GREB1L: variants seen among roughly 807,000 people sequenced by gnomAD.
GREB1L encodes GREB1 like retinoic acid receptor coactivator, also known as GREB1-like protein.
GREB1L carries 17 observed loss-of-function variants against 200.8 expected under a neutral mutation model. That is an observed-to-expected ratio of 0.08 (90% confidence interval 0.06 to 0.13). The LOEUF is 0.13. Among genes scored for constraint, GREB1L ranks in the 10% least tolerant of loss-of-function variants. GREB1L has a pLI of 1.00. For missense variants in GREB1L, 1,657 were observed against 2,367.7 expected, an observed-to-expected ratio of 0.70 and a Z score of 6.23; for synonymous variants, 789 against 893.0, an observed-to-expected ratio of 0.88 and a Z score of 2.08.
Position 21,477,942 on chromosome 18 carries a change from G to A in GREB1L, c.2556+586G>A, listed in dbSNP as rs540516490. ...TCATGCAGATACAAAATTATCTGTC[G>A]TATATAATTTTTCAAAAAGAAAATG... On this transcript the variant is annotated intron_variant, in intron 17 of 32. Transcript: ENST00000424526. Among the ~76,000 whole-genome samples the A allele has an allele frequency of 1.6e-4, 25 of 152,172 alleles. No individual in the cohort carries two copies. In the East Asian group the frequency reaches 2.9e-3, roughly 18 times the overall value.
chr18:21,483,259 A>G (rs1247056979), intron 17 of GREB1L, among the ~76,000 whole-genome samples: 1 of 152,212 alleles, frequency 6.6e-6, no homozygotes, highest in Non-Finnish European at 1.5e-5. Flanking sequence ...ACATTTTCCC[A>G]AAGAAACAGG....
At chr18:21,449,021 A>G (rs2034386786) in intron 11 of GREB1L, among the ~76,000 whole-genome samples, 2 of 152,234 alleles carry the variant, frequency 1.3e-5, no homozygotes, top group African/African-American at 4.8e-5. Flanking sequence ...TTTCCTGCAC[A>G]GTATTCTCAA....
chr18:21,455,501 G>A (rs1415965256), intron 15 of GREB1L, among the ~76,000 whole-genome samples: 4 of 152,042 alleles, frequency 2.6e-5, no homozygotes, highest in African/African-American at 4.8e-5. Flanking sequence ...GGCCAACATG[G>A]TGAAACCCCG....
intron 1 of GREB1L, among the ~76,000 whole-genome samples, chr18:21,314,341 T>C (rs2038835874): frequency 1.3e-5 from 2 of 152,174 alleles, no homozygotes; most frequent in African/African-American, 4.8e-5. Context: ...CCATTGGTTT[T>C]GTGTGAAAGC....
intron 1 of GREB1L, among the ~76,000 whole-genome samples, chr18:21,334,805 T>G (rs2039160787): frequency 6.6e-6 from 1 of 152,098 alleles, no homozygotes. Flanking sequence ...TTATTATCCT[T>G]TTGTGCTCTC....
chr18:21,296,365 T>C (rs2038527480), intron 1 of GREB1L, among the ~76,000 whole-genome samples: 1 of 152,084 alleles, frequency 6.6e-6, no homozygotes, highest in Non-Finnish European at 1.5e-5. Flanking sequence ...CATTTATAAA[T>C]GGGAGGTGGA....
chr18:21,428,866 C>T (rs755456449), intron 7 of GREB1L, among the ~76,000 whole-genome samples: 18 of 151,592 alleles, frequency 1.2e-4, no homozygotes, highest in Non-Finnish European at 5.9e-5. Flanking sequence ...TACAGGTGCC[C>T]GCCATCACAC....
intron 2 of GREB1L, among the ~76,000 whole-genome samples, chr18:21,367,501 G>A (rs1255961493): frequency 6.6e-6 from 1 of 152,150 alleles, no homozygotes; most frequent in East Asian, 1.9e-4. Context: ...GGTAAGCCGG[G>A]AACTTACATT....
intron 2 of GREB1L, among the ~76,000 whole-genome samples, chr18:21,375,909 A>G (rs1434789917): frequency 2.0e-5 from 3 of 152,168 alleles, no homozygotes; most frequent in African/African-American, 4.8e-5. Flanking sequence ...CACCACCACC[A>G]TCACTACTGC....
At chr18:21,323,208 G>T (rs948322707) in intron 1 of GREB1L, among the ~76,000 whole-genome samples, 5 of 151,952 alleles carry the variant, frequency 3.3e-5, no homozygotes, top group African/African-American at 9.7e-5. Context: ...GATTGCTTGA[G>T]CCCGGGGTTA....
intron 18 of GREB1L, among the ~76,000 whole-genome samples, chr18:21,489,388 T>G (rs1367292377): frequency 6.6e-6 from 1 of 152,210 alleles, no homozygotes; most frequent in African/African-American, 2.4e-5. Context: ...AGATAGAAAT[T>G]GCTATCTGTG....
chr18:21,282,124 AAAG>A (rs1346491398), intron 1 of GREB1L, among the ~76,000 whole-genome samples: 4 of 152,068 alleles, frequency 2.6e-5, no homozygotes, highest in Admixed American at 1.3e-4. Context: ...AATTTAAAAA[AAAG>A]AAGCCAGGGG....
chr18:21,337,966 G>T (rs569743075), intron 1 of GREB1L, among the ~76,000 whole-genome samples: 1 of 151,782 alleles, frequency 6.6e-6, no homozygotes, highest in Admixed American at 6.6e-5. Context: ...CAGCCTAGGC[G>T]ACAGAGCAAG....
chr18:21,361,813 T>G (rs2039584773), intron 1 of GREB1L, among the ~76,000 whole-genome samples: 1 of 152,216 alleles, frequency 6.6e-6, no homozygotes, highest in African/African-American at 2.4e-5. Context: ...TTCTATTGTG[T>G]TTTAAAGTAG....
At chr18:21,367,352 G>A (rs1368213107) in intron 2 of GREB1L, among the ~76,000 whole-genome samples, 1 of 152,176 alleles carries the variant, frequency 6.6e-6, no homozygotes, top group Non-Finnish European at 1.5e-5. Flanking sequence ...AGTTTGAAGT[G>A]TACTTTGCTT....
intron 1 of GREB1L, among the ~76,000 whole-genome samples, chr18:21,257,293 G>A (rs560604473): frequency 5.9e-5 from 9 of 152,218 alleles, no homozygotes; most frequent in East Asian, 3.9e-4. Context: ...AGTTTTAAGC[G>A]TTTGCCTCTG....
chr18:21,480,304 T>C (rs1268113273), intron 17 of GREB1L, among the ~76,000 whole-genome samples: 1 of 152,074 alleles, frequency 6.6e-6, no homozygotes, highest in Non-Finnish European at 1.5e-5. Context: ...TGAGCCGAGA[T>C]TATGCCACTG....
At chr18:21,294,875 T>C (rs1461575987) in intron 1 of GREB1L, among the ~76,000 whole-genome samples, 2 of 152,116 alleles carry the variant, frequency 1.3e-5, no homozygotes, top group Admixed American at 1.3e-4. Flanking sequence ...CTGTTTGACT[T>C]AGAGATCAAT....
rs533865203 is a variant in GREB1L, at chr18:21,438,539, C to G, written c.833-982C>G. Among the ~76,000 whole-genome samples, 107 of 151,928 alleles carry G rather than the reference C, an allele frequency of 7.0e-4. No individual in the cohort carries two copies. The Middle Eastern group carries it at 0.01, about 14-fold the overall frequency. On this transcript the variant is annotated intron_variant, in intron 7 of 32. Coordinates refer to ENST00000424526, the MANE Select transcript of GREB1L (RefSeq NM_001142966.3). ...TAAAAATTAGCCAGGTGTGGTGGCA[C>G]ACTCCTATAGTCCCAGCTATTTGAG...
Sources: allele counts gnomAD v4.1 joint callset (sites outside exome capture counted in the v4.1 genomes callset), GRCh38; gene constraint gnomAD v4.1.1; transcripts MANE v1.5; gene names NCBI Gene and HGNC (gene_info 2026-07-23, HGNC 2026-07-21).